The following CLIC5 variants were observed in gnomAD, a reference collection of about 807,000 sequenced individuals.
CLIC5 encodes chloride intracellular channel protein 5.
Under a neutral mutation model 24.7 loss-of-function variants are expected in CLIC5, and 20 were observed. That is an observed-to-expected ratio of 0.81 (90% CI 0.57 to 1.18). The LOEUF is 1.18. CLIC5 is among the 50% of genes most tolerant of loss of function. CLIC5 has a pLI of 0.00. For synonymous variants in CLIC5, 159 were observed against 135.6 expected (o/e 1.17, Z -1.20); for missense variants, 341 against 326.1 (o/e 1.05, Z -0.35).
the CLIC5 span, among the ~76,000 whole-genome samples, chr6:46,086,098 A>T: frequency 6.6e-6 from 1 of 152,216 alleles, no homozygotes; most frequent in Non-Finnish European, 1.5e-5. Flanking sequence ...CCCGTTGGAA[A>T]AGCGCAGTAT....
chr6:45,994,421 A>G (rs1451474842), intron 1 of CLIC5, among the ~76,000 whole-genome samples: 2 of 152,242 alleles, frequency 1.3e-5, no homozygotes, highest in Middle Eastern at 3.4e-3. Flanking sequence ...GTTCTCACTC[A>G]TAAGTGGGAG....
At position 45,908,292 on chromosome 6, in the gene CLIC5, G is replaced by A. The variant is rs536779301; in HGVS notation, c.589-5037C>T. Among the ~76,000 whole-genome samples, 192 of 152,110 alleles carry A rather than the reference G, an allele frequency of 1.3e-3. 1 individual carries two copies. Among genetic ancestry groups the A allele is most frequent in the Middle Eastern group, 6.8e-3 (2 of 294 alleles). ...TTCATTCAGTTCTGCTCTGATTTTA[G>A]TTATTTCTTTTACTATACTAGCTTT... On this transcript the variant is annotated intron_variant, in intron 5 of 5. Transcript: ENST00000339561.
chr6:45,951,767 C>A (rs1764476205), intron 2 of CLIC5, among the ~76,000 whole-genome samples: 1 of 151,956 alleles, frequency 6.6e-6, no homozygotes, highest in Non-Finnish European at 1.5e-5. Flanking sequence ...AACGCAGAAA[C>A]TGTAAAAAAA....
chr6:45,992,202 C>T (rs999573827), intron 1 of CLIC5, among the ~76,000 whole-genome samples: 6 of 152,190 alleles, frequency 3.9e-5, no homozygotes, highest in Non-Finnish European at 7.3e-5. Context: ...GCCTTGGGGA[C>T]CTTGTCCTGC....
chr6:45,887,360 C>A, intron 6 of CLIC5, among the ~76,000 whole-genome samples: 1 of 152,198 alleles, frequency 6.6e-6, no homozygotes, highest in East Asian at 1.9e-4. Flanking sequence ...TTTTCCTTGG[C>A]TTGTGGCAGC....
At chr6:46,006,488 C>T (rs1338436231) in intron 1 of CLIC5, among the ~76,000 whole-genome samples, 1 of 151,934 alleles carries the variant, frequency 6.6e-6, no homozygotes, top group African/African-American at 2.4e-5. Flanking sequence ...CATTCACACC[C>T]TCTTCAGCAC....
At chr6:46,015,161 C>G (rs1285211436) in intron 1 of CLIC5, among the ~76,000 whole-genome samples, 2 of 152,230 alleles carry the variant, frequency 1.3e-5, no homozygotes, top group Non-Finnish European at 2.9e-5. Flanking sequence ...CACCTGGAGA[C>G]GTCTTTCAGG....
chr6:46,083,212 T>A (rs1762961066), upstream of CLIC5, among the ~76,000 whole-genome samples: 3 of 152,236 alleles, frequency 2.0e-5, no homozygotes, highest in Admixed American at 1.3e-4. Context: ...CATGTCCTTT[T>A]ACTCCTGGCT....
intron 6 of CLIC5, among the ~76,000 whole-genome samples, chr6:45,882,744 T>A (rs561396681): frequency 6.6e-6 from 1 of 152,346 alleles, no homozygotes; most frequent in East Asian, 1.9e-4. Context: ...CAAAAATTAA[T>A]GGTATATCTG....
chr6:46,033,602 G>A (rs1767572819), intron 1 of CLIC5, among the ~76,000 whole-genome samples: 1 of 152,204 alleles, frequency 6.6e-6, no homozygotes, highest in African/African-American at 2.4e-5. Context: ...CCACACATGG[G>A]AAGACCTGCC....
chr6:45,903,731 A>G (rs917578159), intron 5 of CLIC5, among the ~76,000 whole-genome samples: 7 of 152,254 alleles, frequency 4.6e-5, no homozygotes, highest in South Asian at 2.1e-4. Flanking sequence ...AAGTTCAAGT[A>G]TAATGCATTT....
rs182931474 is a variant in CLIC5 at position 45,985,107 on chromosome 6, A to T, written c.64-29863T>A. On this transcript the variant is annotated intron_variant, in intron 1 of 5. Coordinates refer to ENST00000339561, the MANE Select transcript of CLIC5 (RefSeq NM_016929.5). ...GAGGGAGGGCCTGGAAAGGCCTTCT[A>T]GAAGCTAAGCCCTGGCAAAGGGGGT... 2.0e-5 allele frequency among the ~76,000 whole-genome samples: 3 copies of T among 152,184 alleles called. No individual in the cohort carries two copies. The South Asian group carries it at 6.2e-4, about 31-fold the overall frequency.
rs535328844 is a variant in CLIC5, at chr6:45,938,123, G to A, written c.406+3424C>T. 1.4e-4 allele frequency among the ~76,000 whole-genome samples: 22 copies of A among 152,230 alleles called. 2 individuals carry two copies. Among genetic ancestry groups the A allele is most frequent in the African/African-American group, 4.8e-4 (20 of 41,546 alleles). On this transcript the variant is annotated intron_variant, in intron 4 of 5. Transcript: ENST00000339561. ...TAGGTGCAGAGCTGAAGATCCAGAG[G>A]GAAAAAAATGGCAAAGTAATGTAGG...
At chr6:46,107,066 C>A in the CLIC5 span, among the ~76,000 whole-genome samples, 1 of 151,894 alleles carries the variant, frequency 6.6e-6, no homozygotes, top group Non-Finnish European at 1.5e-5. Context: ...ATAACTAGCC[C>A]AAAAGTTTAT....
At chr6:45,933,650 G>A (rs1040404962) in intron 4 of CLIC5, among the ~76,000 whole-genome samples, 4 of 152,192 alleles carry the variant, frequency 2.6e-5, no homozygotes. Flanking sequence ...GCAGCCTTGC[G>A]AGTGAAAGGG....
At position 45,913,668 on chromosome 6, in the gene CLIC5, C is replaced by G. The variant is rs143415712; in HGVS notation, c.588+560G>C. 10 of 633,772 alleles carry G rather than the reference C, an allele frequency of 1.6e-5. No homozygotes were observed. The East Asian group carries it at 3.4e-4, about 22-fold the overall frequency. 39.3% of individuals were successfully genotyped at this position (633,772 alleles called of 1,614,324 possible). A position where few individuals can be genotyped will look rare whatever the true frequency, so the allele number is the denominator to read the frequency against. On this transcript the variant is annotated intron_variant, in intron 5 of 5. Coordinates refer to ENST00000339561, the MANE Select transcript of CLIC5 (RefSeq NM_016929.5). ...GGGTTTGTTATATAGGAGAGGATGA[C>G]ACTACATGCTGCAAATGGTTAGTAA...
intron 1 of CLIC5, among the ~76,000 whole-genome samples, chr6:46,005,994 ATATATT>A (rs1434686355): frequency 1.7e-5 from 2 of 118,198 alleles, no homozygotes; most frequent in African/African-American, 6.5e-5. Flanking sequence ...ATATATATAT[ATATATT>A]TATATATATA....
rs140935614 is a variant in CLIC5 at position 45,973,710 on chromosome 6, G to A, written c.64-18466C>T. On this transcript the variant is annotated intron_variant, in intron 1 of 5. Coordinates refer to ENST00000339561, the MANE Select transcript of CLIC5 (RefSeq NM_016929.5). ...TCCCAGCACTTTGGGAGGCCGAGGC[G>A]GGCGGATCATGAGATCAAGAGATTG... 1.7e-3 allele frequency among the ~76,000 whole-genome samples: 264 copies of A among 152,238 alleles called. 1 individual carries two copies. The highest frequency in any genetic ancestry group is 5.8e-3 in the African/African-American group (242 of 41,538).
chr6:46,077,164 T>C (rs555178517), intron 1 of CLIC5, among the ~76,000 whole-genome samples: 9 of 152,062 alleles, frequency 5.9e-5, no homozygotes, highest in Admixed American at 6.5e-5. Flanking sequence ...TGACATAAGA[T>C]CTGTTGAATG....
Sources: allele counts gnomAD v4.1 joint callset (sites outside exome capture counted in the v4.1 genomes callset), GRCh38; gene constraint gnomAD v4.1.1; transcripts MANE v1.5; gene names NCBI Gene and HGNC (gene_info 2026-07-23, HGNC 2026-07-21).